Variants in PLPPR1 observed in about 807,000 individuals in gnomAD.
The protein encoded by PLPPR1 is phospholipid phosphatase-related protein type 1.
A neutral mutation model predicts 33.1 loss-of-function variants in PLPPR1; 10 were observed. The observed-to-expected ratio is 0.30, with a 90% CI of 0.19 to 0.51. The LOEUF is 0.51. Among genes scored for constraint, PLPPR1 ranks in the 20% least tolerant of loss-of-function variants. The probability of loss-of-function intolerance (pLI) is 0.97; values close to 1 mark genes in which losing one functional copy is unlikely to be tolerated. For synonymous variants in PLPPR1, 151 were observed against 151.0 expected (o/e 1.00, Z 0.00); for missense variants, 304 against 408.1 (o/e 0.74, Z 2.20).
Position 101,271,623 on chromosome 9 carries a change from G to A in PLPPR1, c.252+1555G>A, listed in dbSNP as rs62576940. Among the ~76,000 whole-genome samples the A allele has an allele frequency of 4.0e-3, 603 of 152,262 alleles. 2 individuals are homozygous for A. The highest frequency in any genetic ancestry group is 4.7e-3 in the Non-Finnish European group (319 of 68,016). On this transcript the variant is annotated intron_variant, in intron 3 of 7. Transcript: ENST00000374874. ...CAATGTGACACACTCCACACCCCACGTAAAACTAGGAGGCCAGACTCGGTT... is the reference window on the plus strand; with the variant it reads ...CAATGTGACACACTCCACACCCCACATAAAACTAGGAGGCCAGACTCGGTT...
rs562150342 is a variant in PLPPR1 at position 101,051,530 on chromosome 9, C to T, written c.-46+22428C>T. On this transcript the variant is annotated intron_variant, in intron 1 of 7. Transcript: ENST00000374874. ...CATATTCCTGCTCCCATGTCTTAGA[C>T]CTTCTTGTCTGGTGTGCACTTGTCA... is the stretch of plus-strand genomic sequence containing the variant. 3.0e-4 allele frequency among the ~76,000 whole-genome samples: 45 copies of T among 152,314 alleles called. No individual in the cohort carries two copies. The South Asian group carries it at 5.6e-3, about 19-fold the overall frequency.
chr9:101,213,639 A>G (rs1386482675), intron 2 of PLPPR1, among the ~76,000 whole-genome samples: 1 of 152,158 alleles, frequency 6.6e-6, no homozygotes, highest in Non-Finnish European at 1.5e-5. Context: ...CATTTTGTTT[A>G]TAGGATACTC....
At chr9:101,161,821 A>C (rs1242343362) in intron 1 of PLPPR1, among the ~76,000 whole-genome samples, 1 of 152,132 alleles carries the variant, frequency 6.6e-6, no homozygotes, top group Admixed American at 6.6e-5. Context: ...CTTGGACTAG[A>C]TTCATGGGAT....
chr9:101,124,652 G>T lies in PLPPR1; in HGVS notation c.-45-60798G>T, dbSNP rs528439914. Among the ~76,000 whole-genome samples the T allele has an allele frequency of 2.0e-4, 31 of 152,260 alleles. 1 individual carries two copies. Among genetic ancestry groups the T allele is most frequent in the Admixed American group, 2.0e-3 (30 of 15,300 alleles). On this transcript the variant is annotated intron_variant, in intron 1 of 7. Transcript: ENST00000374874. Reference sequence around the variant, plus strand: ...GAAGGCACAGGGAAAGCAAATCAAGGCTTTTCAAACCTTCAATTCACACCG... The same window carrying T: ...GAAGGCACAGGGAAAGCAAATCAAGTCTTTTCAAACCTTCAATTCACACCG...
At chr9:101,298,177 A>G (rs1828683329) in intron 4 of PLPPR1, among the ~76,000 whole-genome samples, 1 of 152,198 alleles carries the variant, frequency 6.6e-6, no homozygotes, top group African/African-American at 2.4e-5. Context: ...CAAACATTAG[A>G]CTATTAGCAC....
At chr9:101,197,876 CA>C in intron 2 of PLPPR1, among the ~76,000 whole-genome samples, 1 of 152,302 alleles carries the variant, frequency 6.6e-6, no homozygotes, top group Admixed American at 6.5e-5. Flanking sequence ...GATCCAAAGA[CA>C]TATCATTTCT....
intron 1 of PLPPR1, among the ~76,000 whole-genome samples, chr9:101,040,635 C>T (rs949401619): frequency 1.3e-5 from 2 of 152,204 alleles, no homozygotes; most frequent in Non-Finnish European, 2.9e-5. Context: ...ACCACATCTG[C>T]TCAAGTGTCA....
At position 101,082,819 on chromosome 9, in the gene PLPPR1, C is replaced by T. The variant is rs189774706; in HGVS notation, c.-46+53717C>T. Among the ~76,000 whole-genome samples, 4 of 152,254 alleles carry T rather than the reference C, an allele frequency of 2.6e-5. No individual in the cohort carries two copies. In the East Asian group the frequency reaches 7.7e-4, roughly 29 times the overall value. Reference sequence around the variant, plus strand: ...GCAAGTTAATCTTTCTAAATCTCAGCCTTCTTACTTGTAAAATGGGGATGA... The same window carrying T: ...GCAAGTTAATCTTTCTAAATCTCAGTCTTCTTACTTGTAAAATGGGGATGA... On this transcript the variant is annotated intron_variant, in intron 1 of 7. Transcript: ENST00000374874.
intron 4 of PLPPR1, among the ~76,000 whole-genome samples, chr9:101,295,120 A>C (rs1828597596): frequency 6.6e-6 from 1 of 152,088 alleles, no homozygotes; most frequent in Non-Finnish European, 1.5e-5. Context: ...ATACAAAATC[A>C]ATGTACAAAA....
intron 1 of PLPPR1, among the ~76,000 whole-genome samples, chr9:101,142,613 A>T (rs925842369): frequency 6.6e-6 from 1 of 152,184 alleles, no homozygotes; most frequent in African/African-American, 2.4e-5. Flanking sequence ...ACTTGAGGAC[A>T]TTCACCCAGA....
At chr9:101,095,585 G>A (rs1271881526) in intron 1 of PLPPR1, among the ~76,000 whole-genome samples, 2 of 152,098 alleles carry the variant, frequency 1.3e-5, no homozygotes, top group Non-Finnish European at 2.9e-5. Flanking sequence ...TTATGTGCCA[G>A]ACATAAAACT....
chr9:101,314,763 A>T (rs1016472811), intron 6 of PLPPR1, among the ~76,000 whole-genome samples: 11 of 152,132 alleles, frequency 7.2e-5, no homozygotes, highest in East Asian at 1.9e-4. Context: ...AAAAAAAAAA[A>T]ATATCTGCAA....
chr9:101,033,824 C>G (rs999582567), intron 1 of PLPPR1, among the ~76,000 whole-genome samples: 15 of 152,156 alleles, frequency 9.9e-5, no homozygotes, highest in Non-Finnish European at 2.2e-4. Context: ...TACAAAGTAT[C>G]AGAGTCAGGT....
chr9:101,066,741 T>C (rs1252967316), intron 1 of PLPPR1, among the ~76,000 whole-genome samples: 1 of 152,020 alleles, frequency 6.6e-6, no homozygotes, highest in East Asian at 1.9e-4. Context: ...CACTAAAAGG[T>C]GTTCCAAACT....
intron 1 of PLPPR1, among the ~76,000 whole-genome samples, chr9:101,038,005 A>T (rs1353669335): frequency 6.6e-6 from 1 of 152,118 alleles, no homozygotes; most frequent in African/African-American, 2.4e-5. Context: ...AGATATAATG[A>T]GGTGCTTAGT....
chr9:101,175,143 C>G (rs557497770), intron 1 of PLPPR1, among the ~76,000 whole-genome samples: 9 of 152,214 alleles, frequency 5.9e-5, no homozygotes, highest in South Asian at 2.1e-4. Flanking sequence ...AAATGCTTCT[C>G]TCTCTCATGT....
intron 1 of PLPPR1, among the ~76,000 whole-genome samples, chr9:101,180,582 C>T (rs1287218115): frequency 1.3e-5 from 2 of 151,614 alleles, no homozygotes; most frequent in Non-Finnish European, 2.9e-5. Context: ...GAAATAAGCC[C>T]ATATATTTGT....
chr9:101,193,772 GA>G (rs1381775098), intron 2 of PLPPR1, among the ~76,000 whole-genome samples: 1 of 152,130 alleles, frequency 6.6e-6, no homozygotes, highest in Non-Finnish European at 1.5e-5. Flanking sequence ...GGAGCTAATT[GA>G]TTTACTTAAG....
At chr9:101,151,794 A>G (rs1387578428) in intron 1 of PLPPR1, among the ~76,000 whole-genome samples, 1 of 152,200 alleles carries the variant, frequency 6.6e-6, no homozygotes, top group Non-Finnish European at 1.5e-5. Flanking sequence ...TTAAAGCACT[A>G]CTATAAATCC....
Sources: allele counts gnomAD v4.1 joint callset (sites outside exome capture counted in the v4.1 genomes callset), GRCh38; gene constraint gnomAD v4.1.1; transcripts MANE v1.5; gene names NCBI Gene and HGNC (gene_info 2026-07-23, HGNC 2026-07-21).